The following MTUS2 variants were observed in gnomAD, a reference collection of about 807,000 sequenced individuals.
The protein encoded by MTUS2 is microtubule-associated tumor suppressor candidate 2.
Under a neutral mutation model 114.1 loss-of-function variants are expected in MTUS2, and 40 were observed. The ratio of observed to expected loss-of-function variants is 0.35; its 90% CI spans 0.27 to 0.46. MTUS2 has a LOEUF of 0.46. Among genes scored for constraint, MTUS2 ranks in the 20% least tolerant of loss-of-function variants. The pLI, the probability that MTUS2 is intolerant of heterozygous loss-of-function variation, is 1.00. For synonymous variants in MTUS2, 688 were observed against 672.0 expected, an observed-to-expected ratio of 1.02 and a Z score of -0.37; for missense variants, 1,679 against 1,705.4, an observed-to-expected ratio of 0.98 and a Z score of 0.27.
At chr13:29,493,765 ACAAAT>A (rs1882349441) in intron 12 of MTUS2, among the ~76,000 whole-genome samples, 1 of 152,254 alleles carries the variant, frequency 6.6e-6, no homozygotes, top group Non-Finnish European at 1.5e-5. Context: ...TTAAAGGAAC[ACAAAT>A]CAGGAAAGTG....
intron 2 of MTUS2, among the ~76,000 whole-genome samples, chr13:28,983,803 A>G (rs896667191): frequency 1.3e-5 from 2 of 152,246 alleles, no homozygotes; most frequent in Non-Finnish European, 2.9e-5. Context: ...TGTCTCAATC[A>G]GTTTAACAAC....
intron 8 of MTUS2, among the ~76,000 whole-genome samples, chr13:29,412,134 G>A (rs1461314773): frequency 2.0e-5 from 3 of 152,206 alleles, no homozygotes; most frequent in Admixed American, 6.5e-5. Context: ...GTGGCAGACA[G>A]TAGGAATCCT....
intron 5 of MTUS2, among the ~76,000 whole-genome samples, chr13:29,219,674 T>C (rs961703503): frequency 1.3e-5 from 2 of 152,236 alleles, no homozygotes; most frequent in Non-Finnish European, 2.9e-5. Context: ...ATCTGTTGTT[T>C]AGTGTAGCCA....
intron 5 of MTUS2, among the ~76,000 whole-genome samples, chr13:29,179,702 C>A (rs563976069): frequency 6.6e-6 from 1 of 152,306 alleles, no homozygotes; most frequent in Non-Finnish European, 1.5e-5. Flanking sequence ...TCTGAAAATA[C>A]ATTTGGTGTG....
At chr13:29,125,937 G>A (rs1031894022) in intron 5 of MTUS2, among the ~76,000 whole-genome samples, 1 of 152,196 alleles carries the variant, frequency 6.6e-6, no homozygotes, top group East Asian at 1.9e-4. Context: ...GTACAAAATT[G>A]AAATGATTCC....
At chr13:29,285,532 A>G (rs6490382) in intron 6 of MTUS2, among the ~76,000 whole-genome samples, 3,152 of 152,324 alleles carry the variant, frequency 0.021, 106 homozygotes, top group African/African-American at 0.073. Context: ...CTTTGGGGGA[A>G]AAATGGATTT....
At chr13:29,100,624 A>T in intron 4 of MTUS2, 149 bp from the exon 5 acceptor site, 1 of 956,546 alleles carries the variant, frequency 1.0e-6, no homozygotes, top group Non-Finnish European at 1.5e-6. Context: ...TTCTCTTCCA[A>T]GGTCCATTTT....
chr13:29,071,891 G>A (rs1318537644), intron 4 of MTUS2: 1 of 152,106 alleles, frequency 6.6e-6, no homozygotes, highest in Non-Finnish European at 1.5e-5. Flanking sequence ...GGAGTAAGAG[G>A]AAAATGTATG....
rs770708459 is a variant in MTUS2, at chr13:29,259,698, A to G, written c.2645-22006A>G. Reference sequence around the variant, plus strand: ...ATGATAGCTGGGACAGCAGACACCCATCAAAGCGTTACTAATAAAAATGAA... The same window carrying G: ...ATGATAGCTGGGACAGCAGACACCCGTCAAAGCGTTACTAATAAAAATGAA... On this transcript the variant is annotated intron_variant, in intron 5 of 15. Coordinates refer to ENST00000612955, the MANE Select transcript of MTUS2 (RefSeq NM_001033602.4). Among the ~76,000 whole-genome samples the G allele has an allele frequency of 2.0e-5, 3 of 152,270 alleles. No homozygotes were observed. In the East Asian group the frequency reaches 5.8e-4, roughly 29 times the overall value.
At chr13:29,030,532 G>A (rs1239980477) in intron 3 of MTUS2, among the ~76,000 whole-genome samples, 1 of 152,146 alleles carries the variant, frequency 6.6e-6, no homozygotes, top group African/African-American at 2.4e-5. Context: ...TTGGCCACCT[G>A]CTACAGCTAT....
At chr13:29,142,703 C>CAAAACA (rs1322217053) in intron 5 of MTUS2, among the ~76,000 whole-genome samples, 1 of 151,902 alleles carries the variant, frequency 6.6e-6, no homozygotes, top group Non-Finnish European at 1.5e-5. Flanking sequence ...GAGACTGTCT[C>CAAAACA]AAAACAAAAA....
chr13:28,843,356 A>G (rs566859788), intron 2 of MTUS2, among the ~76,000 whole-genome samples: 6 of 152,128 alleles, frequency 3.9e-5, no homozygotes, highest in Non-Finnish European at 7.3e-5. Context: ...CGGTGTGTAC[A>G]TCTTATTTTT....
chr13:29,088,583 T>G (rs1464897366), intron 4 of MTUS2, among the ~76,000 whole-genome samples: 1 of 152,248 alleles, frequency 6.6e-6, no homozygotes, highest in Non-Finnish European at 1.5e-5. Flanking sequence ...AGTCTCCCAC[T>G]ATTATTGTGT....
intron 2 of MTUS2, among the ~76,000 whole-genome samples, chr13:28,940,879 G>A (rs1882196129): frequency 6.6e-6 from 1 of 151,978 alleles, no homozygotes; most frequent in Non-Finnish European, 1.5e-5. Context: ...AGGCTGGGAG[G>A]AGAGAGAGAA....
chr13:29,311,918 G>A (rs1899783824), intron 6 of MTUS2, among the ~76,000 whole-genome samples: 1 of 152,084 alleles, frequency 6.6e-6, no homozygotes, highest in South Asian at 2.1e-4. Flanking sequence ...TAGTGAAGTG[G>A]GACATCATAG....
chr13:28,870,031 T>C (rs1184567337), intron 2 of MTUS2, among the ~76,000 whole-genome samples: 3 of 152,214 alleles, frequency 2.0e-5, no homozygotes, highest in African/African-American at 4.8e-5. Flanking sequence ...GTATGGGTCA[T>C]ACAGTGATAT....
At chr13:28,929,853 T>A (rs1881520583) in intron 2 of MTUS2, among the ~76,000 whole-genome samples, 1 of 152,162 alleles carries the variant, frequency 6.6e-6, no homozygotes, top group Non-Finnish European at 1.5e-5. Context: ...CACTGTGTAG[T>A]ATATGATCAT....
intron 2 of MTUS2, among the ~76,000 whole-genome samples, chr13:28,916,300 A>G (rs1428774534): frequency 1.3e-5 from 2 of 151,786 alleles, no homozygotes; most frequent in African/African-American, 4.8e-5. Flanking sequence ...GATTCCACAG[A>G]CATATTAGCG....
chr13:29,303,624 A>T (rs1899305955), intron 6 of MTUS2, among the ~76,000 whole-genome samples: 1 of 152,234 alleles, frequency 6.6e-6, no homozygotes, highest in Non-Finnish European at 1.5e-5. Context: ...ACCTCTGAAA[A>T]ATATGAGATT....
Sources: allele counts gnomAD v4.1 joint callset (sites outside exome capture counted in the v4.1 genomes callset), GRCh38; gene constraint gnomAD v4.1.1; transcripts MANE v1.5; gene names NCBI Gene and HGNC (gene_info 2026-07-23, HGNC 2026-07-21).